Variants in SMIM36 observed in about 807,000 individuals in gnomAD.
The protein encoded by SMIM36 is small integral membrane protein 36.
intron 3 of SMIM36, among the ~76,000 whole-genome samples, chr17:55,476,445 G>A (rs922175350): frequency 5.3e-5 from 8 of 152,110 alleles, no homozygotes; most frequent in African/African-American, 2.4e-5. Context: ...CAGCACCCAG[G>A]TGATTAAAAA....
intron 1 of SMIM36, among the ~76,000 whole-genome samples, chr17:55,483,914 C>T (rs2143280533): frequency 6.6e-6 from 1 of 152,300 alleles, no homozygotes. Flanking sequence ...AGGCATGAGC[C>T]ACCGTGCTTG....
chr17:55,519,907 A>AT, the SMIM36 span, among the ~76,000 whole-genome samples: 1 of 152,182 alleles, frequency 6.6e-6, no homozygotes, highest in African/African-American at 2.4e-5. Flanking sequence ...GGGTATATAA[A>AT]TTTTTTGTGG....
chr17:55,471,095 G>A (rs931447980), intron 3 of SMIM36, among the ~76,000 whole-genome samples: 21 of 152,092 alleles, frequency 1.4e-4, no homozygotes, highest in African/African-American at 4.1e-4. Flanking sequence ...CCTCAAAGAC[G>A]TCTTCTTTAC....
chr17:55,450,673 AC>A (rs1908895840), intron 4 of SMIM36, among the ~76,000 whole-genome samples: 2 of 152,312 alleles, frequency 1.3e-5, no homozygotes, highest in Non-Finnish European at 2.9e-5. Flanking sequence ...CTTTCTGCTT[AC>A]AGCCTAGAGA....
intron 1 of SMIM36, among the ~76,000 whole-genome samples, chr17:55,487,935 C>T (rs1275012737): frequency 6.6e-6 from 1 of 152,196 alleles, no homozygotes; most frequent in Non-Finnish European, 1.5e-5. Flanking sequence ...AGACCAGCCT[C>T]AAACAAGGCT....
intron 4 of SMIM36, among the ~76,000 whole-genome samples, chr17:55,463,382 C>T (rs1454154483): frequency 6.6e-6 from 1 of 151,848 alleles, no homozygotes; most frequent in African/African-American, 2.4e-5. Flanking sequence ...AGTGAGAACC[C>T]ATCCCTAAAA....
chr17:55,510,582 G>T (rs142868920), intron 1 of SMIM36, among the ~76,000 whole-genome samples: 51 of 152,286 alleles, frequency 3.3e-4, no homozygotes, highest in African/African-American at 1.2e-3. Flanking sequence ...AACAGAGCAA[G>T]ACTCTGTCTC....
the SMIM36 span, among the ~76,000 whole-genome samples, chr17:55,519,387 G>T: frequency 6.6e-6 from 1 of 152,148 alleles, no homozygotes; most frequent in South Asian, 2.1e-4. Context: ...GCGGGAAATT[G>T]TGATAAATGG....
At chr17:55,501,333 A>ATTATGTTATATATTATATTTTATAAT (rs1491278758) in intron 1 of SMIM36, among the ~76,000 whole-genome samples, 1 of 54,148 alleles carries the variant, frequency 1.8e-5, no homozygotes, top group Non-Finnish European at 3.5e-5. Context: ...TATAATATAT[A>ATTATGTTATATATTATATTTTATAAT]ATATATTATA....
intron 1 of SMIM36, among the ~76,000 whole-genome samples, chr17:55,502,664 C>T (rs1287304838): frequency 6.8e-4 from 78 of 115,026 alleles, no homozygotes; most frequent in African/African-American, 2.7e-3. Context: ...AAAATCAGAG[C>T]GCCTCTCCTC....
At chr17:55,515,117 G>A (rs992704687), upstream of SMIM36, among the ~76,000 whole-genome samples, 1 of 62,202 alleles carries the variant, frequency 1.6e-5, no homozygotes, top group Admixed American at 2.5e-4. Context: ...TTTTTTTTGC[G>A]CTGGAACTAT....
intron 3 of SMIM36, among the ~76,000 whole-genome samples, chr17:55,471,220 G>C (rs563169546): frequency 6.6e-6 from 1 of 152,078 alleles, no homozygotes; most frequent in African/African-American, 2.4e-5. Flanking sequence ...TCAGGGACAG[G>C]CCACACTACT....
upstream of SMIM36, among the ~76,000 whole-genome samples, chr17:55,515,910 G>T (rs9901573): frequency 0.49 from 74,211 of 152,126 alleles, 18,371 homozygotes; most frequent in Middle Eastern, 0.51. Context: ...CAGCAAACCA[G>T]GAGGTATACC....
In SMIM36 at chr17:55,494,795, AAC is replaced by A. The variant is rs368788987; in HGVS notation, c.*175-15217_*175-15216del. ...TGTATACTTTTGTATATTTTGTTTG[AAC>A]ACACACACACAGGCACACACGCACA... On this transcript the variant is annotated intron_variant, in intron 1 of 4. Coordinates refer to ENST00000636752, the Ensembl canonical transcript of SMIM36. Among the ~76,000 whole-genome samples, 269 of 151,960 alleles carry A rather than the reference AAC, an allele frequency of 1.8e-3. 1 individual carries two copies. The highest frequency in any genetic ancestry group is 6.1e-3 in the African/African-American group (255 of 41,502).
intron 3 of SMIM36, among the ~76,000 whole-genome samples, chr17:55,474,126 A>T (rs569738164): frequency 6.6e-6 from 1 of 152,142 alleles, no homozygotes; most frequent in East Asian, 1.9e-4. Flanking sequence ...TCACTCAGGG[A>T]GCTTGGTTGT....
intron 1 of SMIM36, among the ~76,000 whole-genome samples, chr17:55,498,694 A>C (rs572722051): frequency 1.3e-5 from 2 of 152,028 alleles, no homozygotes; most frequent in Non-Finnish European, 2.9e-5. Flanking sequence ...CAGGAAGTTA[A>C]TTGATGCACA....
At chr17:55,498,183 T>C (rs1909841080) in intron 1 of SMIM36, among the ~76,000 whole-genome samples, 1 of 152,224 alleles carries the variant, frequency 6.6e-6, no homozygotes. Context: ...GACACAGTCC[T>C]ATTGGATTAG....
At chr17:55,511,342 C>A in exon 1 of SMIM36, 1 of 398,528 alleles carries the variant, frequency 2.5e-6, no homozygotes, top group South Asian at 1.3e-4. Flanking sequence ...CATCACTTCT[C>A]CCACGGTGGA....
chr17:55,452,004 G>A (rs1053844053), intron 4 of SMIM36, among the ~76,000 whole-genome samples: 2 of 150,378 alleles, frequency 1.3e-5, no homozygotes, highest in African/African-American at 4.9e-5. Context: ...GGAGGCTGAG[G>A]AGGGAGGATC....
Sources: gnomAD v4.1 joint callset for allele counts (sites outside exome capture counted in the v4.1 genomes callset) on GRCh38, gnomAD v4.1.1 for gene constraint, MANE v1.5 for transcripts, NCBI Gene and HGNC (gene_info 2026-07-23, HGNC 2026-07-21) for gene names.